Variants in ATRNL1 observed in about 807,000 individuals in gnomAD.
ATRNL1 encodes attractin-like protein 1.
Under a neutral mutation model 182.7 loss-of-function variants are expected in ATRNL1, and 95 were observed. The observed-to-expected ratio is 0.52, with a 90% CI of 0.44 to 0.62. ATRNL1 has a LOEUF of 0.62. ATRNL1 is among the 20% of genes least tolerant of loss of function. ATRNL1 has a pLI of 0.00. For synonymous variants in ATRNL1, 576 were observed against 568.3 expected (o/e 1.01, Z -0.19); for missense variants, 1,471 against 1,679.5 (o/e 0.88, Z 2.17).
rs894988428 is a variant in ATRNL1, at chr10:115,475,751, T to C, written c.3654+6422T>C. Among the ~76,000 whole-genome samples the C allele has an allele frequency of 2.0e-5, 3 of 151,410 alleles. No individual in the cohort carries two copies. The Admixed American group carries it at 2.0e-4, about 10-fold the overall frequency. The stretch of plus-strand genomic sequence containing the variant: ...GTAAATAGATGATCATCATTTTCTT[T>C]TTCTTCATCATCACCGTCAACGTCA... On this transcript the variant is annotated intron_variant, in intron 24 of 28. Coordinates refer to ENST00000355044, the MANE Select transcript of ATRNL1 (RefSeq NM_207303.4).
At chr10:115,604,939 T>C (rs546536254) in intron 26 of ATRNL1, among the ~76,000 whole-genome samples, 1 of 152,286 alleles carries the variant, frequency 6.6e-6, no homozygotes, top group South Asian at 2.1e-4. Flanking sequence ...TTGAAATATA[T>C]GTTACCAAAG....
chr10:115,530,538 A>T (rs368763915), intron 25 of ATRNL1, among the ~76,000 whole-genome samples: 1 of 152,174 alleles, frequency 6.6e-6, no homozygotes, highest in South Asian at 2.1e-4. Context: ...AACAAGAACA[A>T]TCAAAGATGA....
At chr10:115,560,280 C>T (rs1193820908) in intron 26 of ATRNL1, among the ~76,000 whole-genome samples, 2 of 152,130 alleles carry the variant, frequency 1.3e-5, no homozygotes, top group Non-Finnish European at 2.9e-5. Flanking sequence ...TTAATTGACT[C>T]TCAGTTCCAC....
chr10:115,687,982 C>T (rs1182180157), intron 26 of ATRNL1, among the ~76,000 whole-genome samples: 1 of 152,052 alleles, frequency 6.6e-6, no homozygotes, highest in East Asian at 1.9e-4. Flanking sequence ...CACTGCAACC[C>T]TTCCCAGAGT....
chr10:115,853,126 C>T (rs532005293), intron 28 of ATRNL1, among the ~76,000 whole-genome samples: 5 of 152,106 alleles, frequency 3.3e-5, no homozygotes, highest in Non-Finnish European at 7.4e-5. Flanking sequence ...CAGTTTAATA[C>T]TACAAATTAT....
chr10:115,794,526 G>C (rs782728295), intron 27 of ATRNL1, among the ~76,000 whole-genome samples: 27 of 152,104 alleles, frequency 1.8e-4, no homozygotes, highest in Non-Finnish European at 3.5e-4. Flanking sequence ...GTCTTTCCTT[G>C]ACTTTCATGG....
intron 9 of ATRNL1, among the ~76,000 whole-genome samples, chr10:115,225,032 G>GC (rs1175677380): frequency 6.6e-6 from 1 of 151,966 alleles, no homozygotes; most frequent in Non-Finnish European, 1.5e-5. Context: ...TATGAGGCCA[G>GC]CATAACCTTG....
At chr10:115,800,748 C>G (rs536331464) in intron 27 of ATRNL1, among the ~76,000 whole-genome samples, 2 of 152,248 alleles carry the variant, frequency 1.3e-5, no homozygotes, top group Admixed American at 6.5e-5. Context: ...TGAGTTTTCT[C>G]TCTCTCTTTC....
chr10:115,152,154 T>C, intron 5 of ATRNL1, among the ~76,000 whole-genome samples: 1 of 152,216 alleles, frequency 6.6e-6, no homozygotes, highest in African/African-American at 2.4e-5. Flanking sequence ...GCATGATGCC[T>C]CCAGCTTTGT....
At chr10:115,415,553 C>G (rs1554960694) in intron 20 of ATRNL1, among the ~76,000 whole-genome samples, 1 of 150,708 alleles carries the variant, frequency 6.6e-6, no homozygotes, top group Admixed American at 6.6e-5. Flanking sequence ...ATTTCTTAGT[C>G]TTTTAAAAAT....
At chr10:115,220,032 G>A (rs782505390) in intron 9 of ATRNL1, among the ~76,000 whole-genome samples, 2 of 152,182 alleles carry the variant, frequency 1.3e-5, no homozygotes, top group Non-Finnish European at 2.9e-5. Flanking sequence ...AACCTGGATT[G>A]CTTACCAAGG....
At chr10:115,098,648 G>A (rs1554863828) in intron 1 of ATRNL1, among the ~76,000 whole-genome samples, 1 of 151,400 alleles carries the variant, frequency 6.6e-6, no homozygotes, top group Non-Finnish European at 1.5e-5. Context: ...TAGTAGAGAC[G>A]GGGTATCACC....
At chr10:115,924,123 A>C (rs545329158) in intron 28 of ATRNL1, among the ~76,000 whole-genome samples, 1 of 152,226 alleles carries the variant, frequency 6.6e-6, no homozygotes, top group African/African-American at 2.4e-5. Context: ...AATTTGCTTA[A>C]GTTCCTTGTA....
chr10:115,303,619 C>T (rs1554925357), intron 17 of ATRNL1, among the ~76,000 whole-genome samples: 2 of 152,164 alleles, frequency 1.3e-5, no homozygotes, highest in Non-Finnish European at 2.9e-5. Flanking sequence ...ATCAGAAGTT[C>T]TTTTGCTTCT....
intron 6 of ATRNL1, among the ~76,000 whole-genome samples, chr10:115,165,189 ATC>A (rs1182783327): frequency 1.3e-5 from 2 of 152,012 alleles, no homozygotes; most frequent in East Asian, 3.8e-4. Flanking sequence ...GAGAATTTTC[ATC>A]TGTTTCCAAG....
At chr10:115,749,408 C>G (rs112195670) in intron 27 of ATRNL1, among the ~76,000 whole-genome samples, 4,471 of 151,686 alleles carry the variant, frequency 0.029, 242 homozygotes, top group African/African-American at 0.1. Context: ...TTGTGTAGAG[C>G]CTTGTGCTGA....
chr10:115,432,723 A>G (rs182571040), intron 21 of ATRNL1, among the ~76,000 whole-genome samples: 1 of 152,130 alleles, frequency 6.6e-6, no homozygotes, highest in South Asian at 2.1e-4. Context: ...AACAGTGTTA[A>G]CTAATTTTAT....
At position 115,738,125 on chromosome 10, in the gene ATRNL1, G is replaced by GTTTTTTTTTTT. The variant is rs1565334914; in HGVS notation, c.3903+10770_3903+10771insTTTTTTTTTTT. Among the ~76,000 whole-genome samples, 12 of 53,192 alleles carry GTTTTTTTTTTT rather than the reference G, an allele frequency of 2.3e-4. 1 individual carries two copies. Among genetic ancestry groups the GTTTTTTTTTTT allele is most frequent in the African/African-American group, 4.0e-4 (7 of 17,526 alleles). The allele number at this position is 53,192 out of a possible 152,430, so 34.9% of individuals were successfully genotyped here. Reference sequence around the variant, plus strand: ...CATAAAAAATGATTTAGAAGATAATGATTTTTTTTTTTTTTTTTTTTTTTT... The same window carrying GTTTTTTTTTTT: ...CATAAAAAATGATTTAGAAGATAATGTTTTTTTTTTTATTTTTTTTTTTTTTTTTTTTTTTT... On this transcript the variant is annotated intron_variant, in intron 27 of 28. Coordinates refer to ENST00000355044, the MANE Select transcript of ATRNL1 (RefSeq NM_207303.4).
rs782775721 is a variant in ATRNL1 at position 115,127,619 on chromosome 10, G to T, written c.518G>T (p.Gly173Val). ...GGTTTGATAGTCCCTGAAATAAGGGGCAATGAAACTGTGCCTGAAGTTGTT... is the reference window on the plus strand; with the variant it reads ...GGTTTGATAGTCCCTGAAATAAGGGTCAATGAAACTGTGCCTGAAGTTGTT... ...LSGLIVPEIRGNETVPEVVTT... is the reference protein window; with the variant it reads ...LSGLIVPEIRVNETVPEVVTT... The change falls in exon 4 of 29, where the codon GGC becomes GTC. Residue 173 changes from glycine (G) to valine (V), a missense_variant. Physicochemically the swap from Gly to Val is moderately radical, Grantham distance 109. Around this residue, in one of 3 missense-constraint regions of ATRNL1, gnomAD observed 1,031 missense variants for 1,156.0 expected, o/e 0.89. Transcript: ENST00000355044. 1 of 1,608,954 alleles carries T rather than the reference G, an allele frequency of 6.2e-7. No individual in the cohort carries two copies. Among genetic ancestry groups the T allele is most frequent in the South Asian group, 1.1e-5 (1 of 90,558 alleles).
Sources: gnomAD v4.1 joint callset for allele counts (sites outside exome capture counted in the v4.1 genomes callset) on GRCh38, gnomAD v4.1.1 for gene constraint, gnomAD v4.1.1 regional missense constraint, MANE v1.5 for transcripts, NCBI Gene and HGNC (gene_info 2026-07-23, HGNC 2026-07-21) for gene names.